KIAA1217: variants seen among roughly 807,000 people sequenced by gnomAD.
KIAA1217 encodes the protein sickle tail protein homolog.
In KIAA1217, 88 loss-of-function variants were observed where a neutral mutation model predicts 163.9. The ratio of observed to expected loss-of-function variants is 0.54; its 90% CI spans 0.45 to 0.64. KIAA1217 has a LOEUF of 0.64. Ranked by LOEUF, KIAA1217 falls within the 30% of genes least tolerant of loss-of-function variation. KIAA1217 has a pLI of 0.00. For missense variants in KIAA1217, 2,372 were observed against 2,475.0 expected, an observed-to-expected ratio of 0.96 and a Z score of 0.88; for synonymous variants, 903 against 923.1, an observed-to-expected ratio of 0.98 and a Z score of 0.39.
At chr10:24,180,729 C>T (rs753604374) in intron 2 of KIAA1217, among the ~76,000 whole-genome samples, 8 of 152,214 alleles carry the variant, frequency 5.3e-5, no homozygotes, top group Non-Finnish European at 1.5e-5. Context: ...ATTAATTTGA[C>T]AATCTGTCAT....
intron 2 of KIAA1217, among the ~76,000 whole-genome samples, chr10:24,220,639 A>G (rs1412546139): frequency 6.6e-6 from 1 of 150,894 alleles, no homozygotes; most frequent in African/African-American, 2.4e-5. Flanking sequence ...TATTTTTAGT[A>G]GAGACGGTGT....
intron 1 of KIAA1217, among the ~76,000 whole-genome samples, chr10:23,891,563 A>G (rs1303789449): frequency 2.0e-5 from 3 of 151,892 alleles, no homozygotes; most frequent in Admixed American, 2.0e-4. Context: ...CTTGTGCTGC[A>G]TTTGGGAAAT....
intron 1 of KIAA1217, among the ~76,000 whole-genome samples, chr10:23,963,755 C>T (rs756688926): frequency 6.6e-6 from 1 of 152,186 alleles, no homozygotes; most frequent in Non-Finnish European, 1.5e-5. Context: ...GTTCCTATTT[C>T]TCCGCATCCT....
At chr10:24,097,675 A>T (rs146774564) in intron 2 of KIAA1217, among the ~76,000 whole-genome samples, 1 of 152,334 alleles carries the variant, frequency 6.6e-6, no homozygotes, top group East Asian at 1.9e-4. Context: ...AGGCCAATAA[A>T]TTGTCACGGT....
intron 2 of KIAA1217, among the ~76,000 whole-genome samples, chr10:24,191,178 C>CA (rs1308844279): frequency 6.0e-5 from 9 of 151,188 alleles, no homozygotes; most frequent in African/African-American, 1.7e-4. Context: ...AGACTCCTCT[C>CA]AAAAAAAATA....
In KIAA1217 at chr10:24,544,017, G is replaced by C; in HGVS notation, c.4747G>C (p.Ala1583Pro). ...ATTCAAATTCCCTAAGAAGCAACTC[G>C]CCGCTCTCACTCAAGCCATTCGCAC... ...FKFKFPKKQL[A>P]ALTQAIRTGT... The change falls in exon 19 of 21, where the codon GCC (alanine) becomes CCC (proline). Residue 1583 changes from alanine (A) to proline (P), a missense_variant. Physicochemically the swap from Ala to Pro is conservative, Grantham distance 27. Transcript: ENST00000376454. The C allele has an allele frequency of 6.2e-7, 1 of 1,614,118 alleles. No individual in the cohort carries two copies. Among genetic ancestry groups the C allele is most frequent in the Non-Finnish European group, 8.5e-7 (1 of 1,180,034 alleles).
intron 1 of KIAA1217, among the ~76,000 whole-genome samples, chr10:23,944,038 G>A (rs1238769277): frequency 6.6e-6 from 1 of 152,168 alleles, no homozygotes; most frequent in East Asian, 1.9e-4. Flanking sequence ...TTTAAGAAAA[G>A]ATACCAAAAG....
chr10:24,273,539 G>A (rs1222721867), intron 2 of KIAA1217, among the ~76,000 whole-genome samples: 2 of 152,006 alleles, frequency 1.3e-5, no homozygotes, highest in Admixed American at 6.6e-5. Context: ...ACTGGCCCAC[G>A]TCACATCTTT....
At chr10:24,303,419 C>G (rs533774474) in intron 2 of KIAA1217, among the ~76,000 whole-genome samples, 1 of 152,076 alleles carries the variant, frequency 6.6e-6, no homozygotes. Context: ...TCCTGGACAA[C>G]GTAGGGACAA....
chr10:24,338,875 T>C (rs962760387), intron 2 of KIAA1217, among the ~76,000 whole-genome samples: 6 of 152,192 alleles, frequency 3.9e-5, no homozygotes, highest in Non-Finnish European at 1.5e-5. Flanking sequence ...AACTATCTTA[T>C]AGAAGGATAT....
chr10:24,448,908 A>G (rs1392220388), intron 5 of KIAA1217, among the ~76,000 whole-genome samples: 1 of 152,224 alleles, frequency 6.6e-6, no homozygotes, highest in African/African-American at 2.4e-5. Flanking sequence ...ACAATAATCA[A>G]TTAACTCAAT....
chr10:24,279,264 G>GT (rs67487902), intron 2 of KIAA1217, among the ~76,000 whole-genome samples: 130,318 of 148,896 alleles, frequency 0.88, 57,147 homozygotes, highest in African/African-American at 0.9. Flanking sequence ...TGGTGGTGGT[G>GT]TTTTTGTTTG....
chr10:24,049,148 T>C (rs765786008), intron 2 of KIAA1217, among the ~76,000 whole-genome samples: 38 of 152,042 alleles, frequency 2.5e-4, no homozygotes, highest in Non-Finnish European at 5.4e-4. Context: ...AAATTCAGTA[T>C]ATCAGGAAAG....
chr10:24,106,866 G>C (rs2131732452), intron 2 of KIAA1217, among the ~76,000 whole-genome samples: 1 of 152,240 alleles, frequency 6.6e-6, no homozygotes, highest in South Asian at 2.1e-4. Context: ...TTGGTTGGTT[G>C]GTTGGTTGGT....
chr10:24,067,864 C>T (rs2061025203), intron 2 of KIAA1217, among the ~76,000 whole-genome samples: 1 of 152,332 alleles, frequency 6.6e-6, no homozygotes, highest in South Asian at 2.1e-4. Flanking sequence ...CCCCCAGCCT[C>T]ACTGCTGCCT....
intron 2 of KIAA1217, among the ~76,000 whole-genome samples, chr10:24,365,828 T>TTC (rs2050710245): frequency 6.6e-6 from 1 of 152,108 alleles, no homozygotes; most frequent in African/African-American, 2.4e-5. Context: ...AAGTGTTCTT[T>TTC]TTCTTCTAGT....
intron 2 of KIAA1217, among the ~76,000 whole-genome samples, chr10:24,251,489 GC>G (rs2074533755): frequency 6.6e-6 from 1 of 150,984 alleles, no homozygotes; most frequent in African/African-American, 2.4e-5. Flanking sequence ...CTCCAGAAAG[GC>G]CTGCACAATG....
intron 2 of KIAA1217, among the ~76,000 whole-genome samples, chr10:24,096,987 A>C (rs968463960): frequency 2.0e-5 from 3 of 152,226 alleles, no homozygotes; most frequent in Admixed American, 2.0e-4. Flanking sequence ...TAATCAGCTG[A>C]GTAACACACA....
At chr10:24,187,369 T>A (rs1413607903) in intron 2 of KIAA1217, among the ~76,000 whole-genome samples, 1 of 152,212 alleles carries the variant, frequency 6.6e-6, no homozygotes, top group African/African-American at 2.4e-5. Context: ...TTATTTCCTT[T>A]CTCAGTTCAG....
Sources: gnomAD v4.1 joint callset for allele counts (sites outside exome capture counted in the v4.1 genomes callset) on GRCh38, gnomAD v4.1.1 for gene constraint, MANE v1.5 for transcripts, NCBI Gene and HGNC (gene_info 2026-07-23, HGNC 2026-07-21) for gene names.